Variants in LCORL observed in about 807,000 individuals in gnomAD.
LCORL encodes ligand dependent nuclear receptor corepressor like.
Under a neutral mutation model 141.8 loss-of-function variants are expected in LCORL, and 41 were observed. The ratio of observed to expected loss-of-function variants is 0.29; its 90% CI spans 0.23 to 0.38. LCORL has a LOEUF of 0.38. Ranked by LOEUF, LCORL falls within the 10% of genes least tolerant of loss-of-function variation. The pLI is 1.00. For missense variants in LCORL, 1,759 were observed against 2,035.0 expected, an observed-to-expected ratio of 0.86 and a Z score of 2.61; for synonymous variants, 618 against 694.1, an observed-to-expected ratio of 0.89 and a Z score of 1.72.
At chr4:17,852,246 A>G (rs1225514281) in intron 7 of LCORL, among the ~76,000 whole-genome samples, 1 of 151,972 alleles carries the variant, frequency 6.6e-6, no homozygotes, top group African/African-American at 2.4e-5. Context: ...ATTCTAATGA[A>G]AGCTCAGCAA....
chr4:17,925,362 C>T (rs371359897), intron 4 of LCORL, among the ~76,000 whole-genome samples: 20 of 152,282 alleles, frequency 1.3e-4, no homozygotes, highest in African/African-American at 4.6e-4. Context: ...ACTACAGAAG[C>T]CCAATCCAGG....
At chr4:17,912,484 C>T (rs1056944636) in intron 4 of LCORL, 8 of 524,376 alleles carry the variant, frequency 1.5e-5, no homozygotes, top group African/African-American at 7.6e-5. Context: ...TCAGAAGAAC[C>T]GACAGGAACT....
exon 7 of LCORL, chr4:17,873,430 A>G: frequency 1.6e-6 from 2 of 1,233,824 alleles, no homozygotes; most frequent in Non-Finnish European, 2.0e-6. Context: ...CCACTGTTGC[A>G]AGACTGTCGT....
chr4:17,988,217 C>G (rs1719346161), intron 1 of LCORL, among the ~76,000 whole-genome samples: 1 of 152,174 alleles, frequency 6.6e-6, no homozygotes, highest in Admixed American at 6.5e-5. Context: ...CCATGTGGAA[C>G]TGTAAGTCCA....
At chr4:17,980,395 A>G (rs1281278035) in intron 1 of LCORL, among the ~76,000 whole-genome samples, 1 of 152,208 alleles carries the variant, frequency 6.6e-6, no homozygotes, top group Non-Finnish European at 1.5e-5. Context: ...CTTTTATTCT[A>G]AAGCATAACT....
chr4:17,877,470 A>G, exon 7 of LCORL: 1 of 1,229,324 alleles, frequency 8.1e-7, no homozygotes, highest in Non-Finnish European at 1.0e-6. Flanking sequence ...ATTTGAGAGT[A>G]AAGAATAAGA....
intron 1 of LCORL, among the ~76,000 whole-genome samples, chr4:17,976,575 AC>A (rs1717031373): frequency 6.6e-6 from 1 of 152,186 alleles, no homozygotes; most frequent in African/African-American, 2.4e-5. Context: ...TATATAACTT[AC>A]TTAAAAACAT....
intron 5 of LCORL, 150 bp from the exon 6 acceptor site, chr4:17,886,311 G>T: frequency 1.8e-6 from 1 of 546,734 alleles, no homozygotes; most frequent in South Asian, 2.6e-5. Flanking sequence ...TTAGGAACAG[G>T]ATATGACTGG....
chr4:17,882,771 A>C (rs2109210289), intron 6 of LCORL: 1 of 984,590 alleles, frequency 1.0e-6, no homozygotes, highest in East Asian at 1.1e-4. Context: ...CACAATCCTT[A>C]AAATTTAAAG....
At chr4:17,995,430 A>G (rs1012713138) in intron 1 of LCORL, among the ~76,000 whole-genome samples, 1 of 152,102 alleles carries the variant, frequency 6.6e-6, no homozygotes, top group African/African-American at 2.4e-5. Context: ...TTCACAATAA[A>G]AGAGAATTCA....
At chr4:17,919,206 A>G (rs1733924175) in intron 4 of LCORL, among the ~76,000 whole-genome samples, 1 of 152,214 alleles carries the variant, frequency 6.6e-6, no homozygotes, top group African/African-American at 2.4e-5. Context: ...TCAAGAAGTA[A>G]CAGAAAATAT....
chr4:17,883,503 TA>T, intron 6 of LCORL: 1 of 1,257,648 alleles, frequency 8.0e-7, no homozygotes, highest in South Asian at 3.5e-5. Context: ...AGTAAGCAAC[TA>T]TATAATTCTG....
At chr4:17,999,453 CAAA>C (rs1311925734) in intron 1 of LCORL, among the ~76,000 whole-genome samples, 4 of 105,462 alleles carry the variant, frequency 3.8e-5, no homozygotes, top group Admixed American at 1.0e-4. Context: ...CTCCGTCTCA[CAAA>C]AAAAAAAAAA....
At chr4:17,869,770 AT>A (rs925882105) in intron 7 of LCORL, among the ~76,000 whole-genome samples, 5 of 152,110 alleles carry the variant, frequency 3.3e-5, no homozygotes, top group African/African-American at 1.2e-4. Context: ...AAGCATATCC[AT>A]AACTGCTTCC....
At chr4:17,848,994 G>A (rs1047514567) in intron 7 of LCORL, among the ~76,000 whole-genome samples, 5 of 152,246 alleles carry the variant, frequency 3.3e-5, no homozygotes, top group Non-Finnish European at 7.3e-5. Flanking sequence ...GCCCACCATT[G>A]CCCAGGCTTG....
chr4:17,979,678 T>A (rs1423674528), intron 1 of LCORL, among the ~76,000 whole-genome samples: 4 of 152,190 alleles, frequency 2.6e-5, no homozygotes, highest in African/African-American at 9.7e-5. Flanking sequence ...ATTCAGTACT[T>A]ACTGGCTTTT....
At chr4:18,018,764 CTTAAAA>C (rs1478921802) in intron 1 of LCORL, among the ~76,000 whole-genome samples, 2 of 152,222 alleles carry the variant, frequency 1.3e-5, no homozygotes, top group East Asian at 3.9e-4. Context: ...CCATATCTCA[CTTAAAA>C]TTAAGATGTT....
intron 6 of LCORL, chr4:17,883,673 AACACAC>A (rs139656197): frequency 3.5e-5 from 46 of 1,316,052 alleles, no homozygotes; most frequent in African/African-American, 7.4e-5. Context: ...CACACACGCA[AACACAC>A]ACACACACAC....
intron 4 of LCORL, among the ~76,000 whole-genome samples, chr4:17,941,391 G>A (rs1385095070): frequency 6.6e-6 from 1 of 151,832 alleles, no homozygotes; most frequent in African/African-American, 2.4e-5. Flanking sequence ...CTCGGAAGGC[G>A]AAGCTTACGG....
Sources: gnomAD v4.1 joint callset for allele counts (sites outside exome capture counted in the v4.1 genomes callset) on GRCh38, gnomAD v4.1.1 for gene constraint, MANE v1.5 for transcripts, NCBI Gene and HGNC (gene_info 2026-07-23, HGNC 2026-07-21) for gene names.